The following SF3B3 variants were observed in gnomAD, a reference collection of about 807,000 sequenced individuals.
The protein encoded by SF3B3 is splicing factor 3b subunit 3.
SF3B3 carries 33 observed loss-of-function variants against 139.2 expected under a neutral mutation model. The observed-to-expected ratio is 0.24, with a 90% CI of 0.18 to 0.32. The LOEUF (loss-of-function observed/expected upper bound fraction) is 0.32, where lower values mean the gene tolerates loss of function less well. Among genes scored for constraint, SF3B3 ranks in the 10% least tolerant of loss-of-function variants. The pLI is 1.00. For synonymous variants in SF3B3, 596 were observed against 563.6 expected (o/e 1.06, Z -0.81); for missense variants, 818 against 1,509.4 (o/e 0.54, Z 7.59).
At chr16:70,552,649 C>T (rs1021880203) in intron 11 of SF3B3, among the ~76,000 whole-genome samples, 1 of 152,194 alleles carries the variant, frequency 6.6e-6, no homozygotes, top group Non-Finnish European at 1.5e-5. Context: ...AACCTTTACT[C>T]TGTGGATTCC....
chr16:70,568,208 C>A (rs780793401), intron 21 of SF3B3, 75 bp from the exon 22 acceptor site: 4 of 1,141,534 alleles, frequency 3.5e-6, no homozygotes, highest in Admixed American at 3.4e-5. Flanking sequence ...GTATGTCATA[C>A]GGAAAGCTGG....
intron 5 of SF3B3, among the ~76,000 whole-genome samples, chr16:70,534,561 C>T (rs1038815535): frequency 3.3e-5 from 5 of 152,086 alleles, no homozygotes; most frequent in African/African-American, 9.7e-5. Flanking sequence ...CTGGTTTGGT[C>T]TGTTGATGGT....
At position 70,568,252 on chromosome 16, in the gene SF3B3, C is replaced by A. The variant is rs144495859; in HGVS notation, c.2953-31C>A. On this transcript the variant is annotated intron_variant, in intron 21 of 25. Transcript: ENST00000302516. The stretch of plus-strand genomic sequence containing the variant: ...TGGGTTCTGAACCCCAAGATTACAC[C>A]CACCATCACTATTGTCTTTGTTTTT... 2.2e-3 allele frequency: 3,341 copies of A among 1,529,254 alleles called. 80 individuals carry two copies. In the African/African-American group the frequency reaches 0.04, roughly 18 times the overall value. The allele number at this position is 1,529,254 out of a possible 1,614,324, so 94.7% of individuals were successfully genotyped here.
intron 11 of SF3B3, among the ~76,000 whole-genome samples, chr16:70,548,932 A>G (rs776816470): frequency 3.3e-5 from 5 of 152,182 alleles, no homozygotes; most frequent in Admixed American, 6.5e-5. Flanking sequence ...TGGAATTCGA[A>G]TTTTAGTGTG....
chr16:70,548,399 T>A lies in SF3B3; in HGVS notation c.1359T>A (p.Pro453=). The A allele has an allele frequency of 6.2e-7, 1 of 1,614,112 alleles. No homozygotes were observed. The highest frequency in any genetic ancestry group is 8.5e-7 in the Non-Finnish European group (1 of 1,180,030). The change falls in exon 11 of 26, where the codon CCT becomes CCA. Residue 453 remains proline (P), a synonymous_variant. Coordinates refer to ENST00000302516, the MANE Select transcript of SF3B3 (RefSeq NM_012426.5). ...CAGAAATGGCTGTTTCTGAGCTACC[T>A]GGTAACCCCAACGCTGTCTGGACAG... ...EVSEMAVSEL[P]GNPNAVWTVR...
At chr16:70,553,811 A>G (rs2050352218) in intron 11 of SF3B3, among the ~76,000 whole-genome samples, 1 of 152,206 alleles carries the variant, frequency 6.6e-6, no homozygotes. Flanking sequence ...TCATGACCAC[A>G]GGATTGTTCT....
chr16:70,566,437 C>A (rs2050477720), intron 20 of SF3B3, among the ~76,000 whole-genome samples: 1 of 151,810 alleles, frequency 6.6e-6, no homozygotes, highest in South Asian at 2.1e-4. Flanking sequence ...TGGTGGGCGC[C>A]TGTAACCCTA....
chr16:70,555,026 G>C (rs761360707), intron 12 of SF3B3, 25 bp from the exon 13 acceptor site: 2 of 1,608,292 alleles, frequency 1.2e-6, no homozygotes, highest in South Asian at 1.1e-5. Flanking sequence ...GTTAAAGTCA[G>C]GTTTCTTTCT....
rs1472590697 is a variant in SF3B3 at position 70,571,204 on chromosome 16, G to T, written c.3513+5G>T. 1.9e-6 allele frequency: 3 copies of T among 1,593,444 alleles called. No homozygotes were observed. Among genetic ancestry groups the T allele is most frequent in the Admixed American group, 3.3e-5 (2 of 60,004 alleles). On this transcript the variant is annotated splice_donor_5th_base_variant and intron_variant, in intron 25 of 25. Coordinates refer to ENST00000302516, the MANE Select transcript of SF3B3 (RefSeq NM_012426.5). ...TCCTACTACTTCCCTGTGAAGGTAGGTTGGGGGAATCTGAGCTGAAAAGGG... is the reference window on the plus strand; with the variant it reads ...TCCTACTACTTCCCTGTGAAGGTAGTTTGGGGGAATCTGAGCTGAAAAGGG...
At chr16:70,540,452 G>A (rs1203037580) in intron 8 of SF3B3, among the ~76,000 whole-genome samples, 2 of 152,028 alleles carry the variant, frequency 1.3e-5, no homozygotes, top group Non-Finnish European at 2.9e-5. Context: ...GAGTGCAGGG[G>A]TGCAATCTCG....
In SF3B3 at chr16:70,535,329, C is replaced by T. The variant is rs755429425; in HGVS notation, c.734C>T (p.Pro245Leu). ...LITVPGGSDG[P>L]SGVLICSENY... is the part of the protein sequence containing the mutation. ...ACAGTTCCAGGAGGGTCAGATGGTCCAAGTGGAGTACTGATCTGCTCTGAA... is the reference window on the plus strand; with the variant it reads ...ACAGTTCCAGGAGGGTCAGATGGTCTAAGTGGAGTACTGATCTGCTCTGAA... Residue 245 changes from proline to leucine, a missense_variant, in exon 6 of 26, where the codon CCA becomes CTA. Physicochemically the swap from Pro to Leu is moderately conservative, Grantham distance 98. Coordinates refer to ENST00000302516, the MANE Select transcript of SF3B3 (RefSeq NM_012426.5). 1 of 1,592,872 alleles carries T rather than the reference C, an allele frequency of 6.3e-7. No individual in the cohort carries two copies. Among genetic ancestry groups the T allele is most frequent in the Non-Finnish European group, 8.6e-7 (1 of 1,167,950 alleles).
At chr16:70,532,273 C>T (rs911279643) in intron 4 of SF3B3, among the ~76,000 whole-genome samples, 2 of 146,738 alleles carry the variant, frequency 1.4e-5, no homozygotes, top group Non-Finnish European at 3.0e-5. Context: ...GCCTGGGCAA[C>T]GAGCAAAACT....
At chr16:70,548,505 A>G in intron 11 of SF3B3, 63 bp downstream of exon 11, 2 of 1,384,360 alleles carry the variant, frequency 1.4e-6, no homozygotes, top group Non-Finnish European at 2.1e-6. Context: ...AGAAGGCTTG[A>G]AAGGCTGCGT....
intron 11 of SF3B3, among the ~76,000 whole-genome samples, chr16:70,553,476 C>CT (rs1043932433): frequency 4.0e-5 from 6 of 151,182 alleles, no homozygotes; most frequent in African/African-American, 1.2e-4. Flanking sequence ...TTGTTCTGTC[C>CT]TTTTTTTTTA....
chr16:70,526,298 C>G (rs1415330258), intron 1 of SF3B3, among the ~76,000 whole-genome samples: 1 of 152,006 alleles, frequency 6.6e-6, no homozygotes. Context: ...ACCTCCGCCT[C>G]CCAGGTTCAA....
chr16:70,539,686 T>C (rs1191563637), intron 8 of SF3B3, among the ~76,000 whole-genome samples: 1 of 152,200 alleles, frequency 6.6e-6, no homozygotes, highest in Non-Finnish European at 1.5e-5. Context: ...TTTATTTTAG[T>C]GGCTTCGGGC....
intron 15 of SF3B3, among the ~76,000 whole-genome samples, chr16:70,559,025 C>G (rs1398289555): frequency 2.0e-5 from 3 of 152,130 alleles, no homozygotes; most frequent in Non-Finnish European, 4.4e-5. Flanking sequence ...ATAGGTGGTG[C>G]TGTTTACTCC....
chr16:70,530,174 G>T (rs947685881), intron 3 of SF3B3, among the ~76,000 whole-genome samples: 1 of 138,490 alleles, frequency 7.2e-6, no homozygotes, highest in Non-Finnish European at 1.6e-5. Context: ...AAATAAATAA[G>T]AGAGAGATGG....
At chr16:70,553,736 T>A (rs2050351609) in intron 11 of SF3B3, among the ~76,000 whole-genome samples, 1 of 152,202 alleles carries the variant, frequency 6.6e-6, no homozygotes, top group South Asian at 2.1e-4. Flanking sequence ...CTGACTTCCT[T>A]GAGAAACTCA....
Sources: gnomAD v4.1 joint callset for allele counts (sites outside exome capture counted in the v4.1 genomes callset) on GRCh38, gnomAD v4.1.1 for gene constraint, MANE v1.5 for transcripts, NCBI Gene and HGNC (gene_info 2026-07-23, HGNC 2026-07-21) for gene names.